The following SDK2 variants were observed in gnomAD, a reference collection of about 807,000 sequenced individuals.
SDK2 encodes sidekick cell adhesion molecule 2, also known as protein sidekick-2.
A neutral mutation model predicts 253.9 loss-of-function variants in SDK2; 105 were observed. The ratio of observed to expected loss-of-function variants is 0.41; its 90% CI spans 0.35 to 0.49. The LOEUF is 0.49. Ranked by LOEUF, SDK2 falls within the 20% of genes least tolerant of loss-of-function variation. The pLI is 0.06. For missense variants in SDK2, 2,608 were observed against 3,003.0 expected, an observed-to-expected ratio of 0.87 and a Z score of 3.07; for synonymous variants, 1,249 against 1,234.9, an observed-to-expected ratio of 1.01 and a Z score of -0.24.
chr17:73,627,140 G>C (rs2046212212), intron 1 of SDK2, among the ~76,000 whole-genome samples: 1 of 152,192 alleles, frequency 6.6e-6, no homozygotes, highest in Admixed American at 6.5e-5. Context: ...GTTGTTGAAA[G>C]GATTCGATGT....
intron 1 of SDK2, among the ~76,000 whole-genome samples, chr17:73,604,479 G>A (rs78250547): frequency 0.012 from 1,799 of 152,298 alleles, 45 homozygotes; most frequent in East Asian, 0.04. Flanking sequence ...CATCCCCAAA[G>A]GCCGGTGGGC....
chr17:73,626,293 C>T (rs990651463), intron 1 of SDK2, among the ~76,000 whole-genome samples: 3 of 152,150 alleles, frequency 2.0e-5, no homozygotes, highest in Non-Finnish European at 2.9e-5. Context: ...GGCCGGGGCT[C>T]GGGAGGGGGA....
chr17:73,479,195 G>A (rs2063706278), intron 2 of SDK2, among the ~76,000 whole-genome samples: 1 of 152,276 alleles, frequency 6.6e-6, no homozygotes, highest in South Asian at 2.1e-4. Flanking sequence ...CTGCCTGCAG[G>A]TGTCGCCCCA....
At position 73,511,077 on chromosome 17, in the gene SDK2, G is replaced by A. The variant is rs1336715112; in HGVS notation, c.65-3480C>T. ...ACTGCCCGCCGCCCGGCTGGCAGCA[G>A]CCAGCTCTGCTCTCAGCTTAACAAA... On this transcript the variant is annotated intron_variant, in intron 1 of 44. Coordinates refer to ENST00000392650, the MANE Select transcript of SDK2 (RefSeq NM_001144952.2). The surrounding 1 kb of genome is among the most constrained non-coding windows in gnomAD (Gnocchi z 4.9). Among the ~76,000 whole-genome samples the A allele has an allele frequency of 6.6e-6, 1 of 152,216 alleles. No individual in the cohort carries two copies. Among genetic ancestry groups the A allele is most frequent in the Non-Finnish European group, 1.5e-5 (1 of 68,036 alleles).
At chr17:73,564,140 C>T (rs1305630153) in intron 1 of SDK2, among the ~76,000 whole-genome samples, 1 of 152,186 alleles carries the variant, frequency 6.6e-6, no homozygotes, top group Non-Finnish European at 1.5e-5. Context: ...TAAATTCACA[C>T]TTCAATTTCT....
At chr17:73,538,508 T>C (rs929314462) in intron 1 of SDK2, among the ~76,000 whole-genome samples, 5 of 152,218 alleles carry the variant, frequency 3.3e-5, no homozygotes, top group African/African-American at 9.6e-5. Context: ...CAAGCATAGC[T>C]CTTTCAATAA....
At chr17:73,580,934 C>T (rs2045526318) in intron 1 of SDK2, among the ~76,000 whole-genome samples, 1 of 152,212 alleles carries the variant, frequency 6.6e-6, no homozygotes, top group East Asian at 1.9e-4. Context: ...GCTCTCTCAT[C>T]CAGGCTGGAG....
rs1288364233 is a variant in SDK2 at position 73,642,350 on chromosome 17, T to C, written c.64+1675A>G. 6.6e-6 allele frequency among the ~76,000 whole-genome samples: 1 copy of C among 152,170 alleles called. No homozygotes were observed. The highest frequency in any genetic ancestry group is 2.4e-5 in the African/African-American group (1 of 41,454). Reference sequence around the variant, plus strand: ...TGAAAAGTCTGTAGAGCAATGAAGTTAGAAGGGTCCAGACAGATGCTGGCA... The same window carrying C: ...TGAAAAGTCTGTAGAGCAATGAAGTCAGAAGGGTCCAGACAGATGCTGGCA... On this transcript the variant is annotated intron_variant, in intron 1 of 44. Transcript: ENST00000392650. The surrounding 1 kb of genome is among the most constrained non-coding windows in gnomAD (Gnocchi z 4.7).
intron 1 of SDK2, among the ~76,000 whole-genome samples, chr17:73,597,488 G>A (rs540949840): frequency 1.7e-4 from 26 of 152,220 alleles, no homozygotes; most frequent in Non-Finnish European, 2.2e-4. Flanking sequence ...TCCTGGGCTC[G>A]TGGGAGACAC....
intron 1 of SDK2, among the ~76,000 whole-genome samples, chr17:73,627,084 A>G (rs574352043): frequency 6.6e-6 from 1 of 152,174 alleles, no homozygotes; most frequent in African/African-American, 2.4e-5. Flanking sequence ...CAACTCTACC[A>G]GCCCATTTTC....
intron 1 of SDK2, among the ~76,000 whole-genome samples, chr17:73,509,202 G>A (rs961894495): frequency 1.3e-5 from 2 of 152,122 alleles, no homozygotes; most frequent in Non-Finnish European, 2.9e-5. Context: ...TCCTTTATCT[G>A]AGTCTCTATT....
intron 12 of SDK2, among the ~76,000 whole-genome samples, chr17:73,430,282 C>T (rs1040324400): frequency 1.3e-5 from 2 of 152,224 alleles, no homozygotes; most frequent in Non-Finnish European, 2.9e-5. Flanking sequence ...TCCTCTTTTC[C>T]TCCCACCTTG....
intron 9 of SDK2, 123 bp from the exon 10 acceptor site, chr17:73,433,971 G>A (rs928745156): frequency 2.6e-5 from 17 of 645,658 alleles, no homozygotes; most frequent in Non-Finnish European, 4.0e-5. Context: ...ATGGTGAGGG[G>A]CCCTCCACGA....
chr17:73,486,703 T>TGGAGTGCAGTCCCTGGCAGAA (rs2063771683), intron 2 of SDK2, among the ~76,000 whole-genome samples: 1 of 149,268 alleles, frequency 6.7e-6, no homozygotes, highest in Non-Finnish European at 1.5e-5. Context: ...CTGTACCCAG[T>TGGAGTGCAGTCCCTGGCAGAA]GGAGTGCAGT....
chr17:73,343,288 G>T (rs2062455086), intron 44 of SDK2, among the ~76,000 whole-genome samples: 1 of 152,268 alleles, frequency 6.6e-6, no homozygotes, highest in Non-Finnish European at 1.5e-5. Context: ...GGAGGGGCCA[G>T]GCAGGCGAGA....
At chr17:73,557,298 A>G (rs1599676612) in intron 1 of SDK2, among the ~76,000 whole-genome samples, 1 of 137,318 alleles carries the variant, frequency 7.3e-6, no homozygotes. Flanking sequence ...GAGCTGCTGT[A>G]CCTCGAGATT....
intron 43 of SDK2, 80 bp from the exon 44 acceptor site, chr17:73,348,805 G>T: frequency 8.4e-7 from 1 of 1,184,954 alleles, no homozygotes; most frequent in Non-Finnish European, 1.2e-6. Flanking sequence ...CCACAGTGGG[G>T]GCCTGGGGAA....
intron 1 of SDK2, among the ~76,000 whole-genome samples, chr17:73,544,999 C>T (rs991038031): frequency 6.6e-6 from 1 of 152,076 alleles, no homozygotes; most frequent in Admixed American, 6.5e-5. Flanking sequence ...TTCCTTGGGC[C>T]TCCACTCCTT....
At chr17:73,607,995 C>T (rs1461018155) in intron 1 of SDK2, among the ~76,000 whole-genome samples, 3 of 152,086 alleles carry the variant, frequency 2.0e-5, no homozygotes, top group African/African-American at 7.2e-5. Flanking sequence ...GTACATTTGT[C>T]ACAACCAAGG....
Sources: allele counts gnomAD v4.1 joint callset (sites outside exome capture counted in the v4.1 genomes callset), GRCh38; gene constraint gnomAD v4.1.1; non-coding constraint Gnocchi (gnomAD v3.1); transcripts MANE v1.5; gene names NCBI Gene and HGNC (gene_info 2026-07-23, HGNC 2026-07-21).